Variants in KCNQ3 observed in about 807,000 individuals in gnomAD.
KCNQ3 encodes potassium voltage-gated channel subfamily KQT member 3.
A neutral mutation model predicts 92.5 loss-of-function variants in KCNQ3; 30 were observed. The observed-to-expected ratio is 0.32, with a 90% CI of 0.24 to 0.44. KCNQ3 has a LOEUF of 0.44. Among genes scored for constraint, KCNQ3 ranks in the 20% least tolerant of loss-of-function variants. The probability of loss-of-function intolerance (pLI) is 1.00; values close to 1 mark genes in which losing one functional copy is unlikely to be tolerated. For synonymous variants in KCNQ3, 450 were observed against 468.8 expected, an observed-to-expected ratio of 0.96 and a Z score of 0.52; for missense variants, 913 against 1,140.3, an observed-to-expected ratio of 0.80 and a Z score of 2.87.
intron 1 of KCNQ3, among the ~76,000 whole-genome samples, chr8:132,362,110 C>T (rs1163187151): frequency 2.0e-5 from 3 of 151,902 alleles, no homozygotes; most frequent in South Asian, 2.1e-4. Context: ...GTTGATAGTG[C>T]TTTATATTCT....
At chr8:132,393,791 G>A (rs561433781) in intron 1 of KCNQ3, among the ~76,000 whole-genome samples, 7 of 152,316 alleles carry the variant, frequency 4.6e-5, no homozygotes, top group Non-Finnish European at 1.5e-5. Context: ...ATCACCATGA[G>A]AGAGGATTAA....
At chr8:132,167,035 C>T (rs1005244426) in intron 8 of KCNQ3, among the ~76,000 whole-genome samples, 5 of 152,320 alleles carry the variant, frequency 3.3e-5, no homozygotes, top group Non-Finnish European at 7.4e-5. Flanking sequence ...AAATTTCCAA[C>T]ACCTGATGAA....
At chr8:132,263,415 T>A (rs4736570) in intron 1 of KCNQ3, among the ~76,000 whole-genome samples, 85,500 of 151,996 alleles carry the variant, frequency 0.56, 24,771 homozygotes, top group East Asian at 0.78. Flanking sequence ...CAGCCCCATT[T>A]CTATCCAGTT....
At chr8:132,391,584 T>A (rs1162096395) in intron 1 of KCNQ3, among the ~76,000 whole-genome samples, 1 of 152,118 alleles carries the variant, frequency 6.6e-6, no homozygotes, top group Non-Finnish European at 1.5e-5. Flanking sequence ...CAAACTACTC[T>A]GCAAGGATAC....
At chr8:132,142,412 T>A (rs537368519) in intron 9 of KCNQ3, among the ~76,000 whole-genome samples, 1 of 152,286 alleles carries the variant, frequency 6.6e-6, no homozygotes, top group South Asian at 2.1e-4. Context: ...CCCTGCTTTA[T>A]CTGGTTGCTA....
At chr8:132,283,017 G>A (rs1816574441) in intron 1 of KCNQ3, among the ~76,000 whole-genome samples, 1 of 151,924 alleles carries the variant, frequency 6.6e-6, no homozygotes, top group Non-Finnish European at 1.5e-5. Context: ...TGGCTGGGAG[G>A]GAATCACAGA....
At chr8:132,340,921 T>A (rs1818512063) in intron 1 of KCNQ3, among the ~76,000 whole-genome samples, 1 of 152,248 alleles carries the variant, frequency 6.6e-6, no homozygotes, top group African/African-American at 2.4e-5. Flanking sequence ...AGGAGTTCTC[T>A]GATATAGTTG....
intron 1 of KCNQ3, among the ~76,000 whole-genome samples, chr8:132,435,466 A>G (rs1391284074): frequency 6.6e-6 from 1 of 152,190 alleles, no homozygotes; most frequent in Admixed American, 6.5e-5. Context: ...GAATCAGGAT[A>G]TTAACCTCCA....
rs916571673 is a variant in KCNQ3, at chr8:132,314,737, T to C, written c.387-128556A>G. On this transcript the variant is annotated intron_variant, in intron 1 of 14. Coordinates refer to ENST00000388996, the MANE Select transcript of KCNQ3 (RefSeq NM_004519.4). ...GAATGATCCAATAAATGTTTTCCAA[T>C]ATAATTAGCAAAAGTAGGCGTTTTC... Among the ~76,000 whole-genome samples, 17 of 152,324 alleles carry C rather than the reference T, an allele frequency of 1.1e-4. 1 individual carries two copies. Among genetic ancestry groups the C allele is most frequent in the African/African-American group, 4.1e-4 (17 of 41,582 alleles).
chr8:132,155,007 C>T (rs1290208212), intron 9 of KCNQ3, among the ~76,000 whole-genome samples: 1 of 152,168 alleles, frequency 6.6e-6, no homozygotes, highest in Non-Finnish European at 1.5e-5. Context: ...CTACTTAGCC[C>T]TTGAGAGGAC....
At chr8:132,165,294 G>A (rs1280156940) in intron 8 of KCNQ3, among the ~76,000 whole-genome samples, 1 of 152,178 alleles carries the variant, frequency 6.6e-6, no homozygotes, top group Non-Finnish European at 1.5e-5. Context: ...CCTTATGATA[G>A]GAAAGGACCA....
In KCNQ3 at chr8:132,163,480, T is replaced by A. The variant is rs563949117; in HGVS notation, c.1250A>T (p.Glu417Val). The A allele has an allele frequency of 1.7e-5, 28 of 1,612,320 alleles. 1 individual carries two copies. In the South Asian group the frequency reaches 2.9e-4, roughly 16 times the overall value. The change falls in exon 9 of 15, where the codon GAG becomes GTG. Residue 417 changes from glutamate (E) to valine (V), a missense_variant. Physicochemically the swap from Glu to Val is moderately radical, Grantham distance 121. This residue lies in a region of KCNQ3 where 182 missense variants were observed against 234.5 expected (regional missense o/e 0.78). Transcript: ENST00000388996. Reference sequence around the variant, plus strand: ...ATCAGAAACTTACCTGGATGCTGCCTCCAGCTGTTCTTTCCTAGAAAGAGA... The same window carrying A: ...ATCAGAAACTTACCTGGATGCTGCCACCAGCTGTTCTTTCCTAGAAAGAGA... ...SFPFFRKEQL[E>V]AASSQKLGLL... is the part of the protein sequence containing the mutation.
intron 1 of KCNQ3, among the ~76,000 whole-genome samples, chr8:132,349,316 T>C (rs1181470374): frequency 6.6e-6 from 1 of 152,202 alleles, no homozygotes; most frequent in East Asian, 1.9e-4. Context: ...TAAACTAGTA[T>C]CTAACGAGCG....
At chr8:132,314,999 G>A (rs1380318874) in intron 1 of KCNQ3, among the ~76,000 whole-genome samples, 4 of 152,190 alleles carry the variant, frequency 2.6e-5, no homozygotes, top group African/African-American at 9.7e-5. Flanking sequence ...GACCATAAAG[G>A]TAAATTGGAC....
intron 1 of KCNQ3, among the ~76,000 whole-genome samples, chr8:132,433,855 A>C (rs1051991780): frequency 6.6e-6 from 1 of 151,416 alleles, no homozygotes; most frequent in Non-Finnish European, 1.5e-5. Flanking sequence ...GTGCCACGGC[A>C]CTCCAGCCTG....
intron 8 of KCNQ3, among the ~76,000 whole-genome samples, chr8:132,167,143 C>T (rs922825456): frequency 2.0e-5 from 3 of 152,006 alleles, no homozygotes; most frequent in South Asian, 4.1e-4. Flanking sequence ...AACTTGAAAA[C>T]ATTATGCAAA....
chr8:132,187,760 TGA>T (rs1827023873), intron 1 of KCNQ3, among the ~76,000 whole-genome samples: 1 of 149,734 alleles, frequency 6.7e-6, no homozygotes, highest in African/African-American at 2.5e-5. Flanking sequence ...GTGGTAGTGA[TGA>T]TGGTGGTAGT....
intron 9 of KCNQ3, among the ~76,000 whole-genome samples, chr8:132,155,770 A>C (rs1825781836): frequency 6.6e-6 from 1 of 152,162 alleles, no homozygotes. Context: ...CCTTCTAGAG[A>C]TAAGGGACCT....
chr8:132,308,357 G>A (rs1817492945), intron 1 of KCNQ3, among the ~76,000 whole-genome samples: 1 of 152,110 alleles, frequency 6.6e-6, no homozygotes, highest in South Asian at 2.1e-4. Context: ...ACAGTGACAA[G>A]TACCATTAGA....
Sources: gnomAD v4.1 joint callset for allele counts (sites outside exome capture counted in the v4.1 genomes callset) on GRCh38, gnomAD v4.1.1 for gene constraint, gnomAD v4.1.1 regional missense constraint, MANE v1.5 for transcripts, NCBI Gene and HGNC (gene_info 2026-07-23, HGNC 2026-07-21) for gene names.